The following NEIL3 variants were observed in gnomAD, a reference collection of about 807,000 sequenced individuals.
NEIL3 encodes endonuclease 8-like 3.
A neutral mutation model predicts 57.5 loss-of-function variants in NEIL3; 48 were observed. The ratio of observed to expected loss-of-function variants is 0.83; its 90% CI spans 0.66 to 1.06. The LOEUF is 1.06. Among genes scored for constraint, NEIL3 ranks in the 50% least tolerant of loss-of-function variants. NEIL3 has a pLI of 0.00. For missense variants in NEIL3, 717 were observed against 739.1 expected (o/e 0.97, Z 0.35); for synonymous variants, 261 against 253.2 (o/e 1.03, Z -0.29).
chr4:177,360,598 T>A lies in NEIL3; in HGVS notation c.1556T>A (p.Val519Glu), dbSNP rs1422425367. 3.1e-6 allele frequency: 5 copies of A among 1,614,008 alleles called. No homozygotes were observed. Among genetic ancestry groups the A allele is most frequent in the Non-Finnish European group, 3.4e-6 (4 of 1,179,888 alleles). ...AACCGCCTCTGCATTCTCCGAGTTG[T>A]GGGGAAGGATGGGGAAAACAAGGGC... ...KHNRLCILRV[V>E]GKDGENKGRQ... Residue 519 changes from valine to glutamate, a missense_variant, in exon 9 of 10, where the codon GTG (valine) becomes GAG (glutamate). Physicochemically the swap from Val to Glu is moderately radical, Grantham distance 121 (BLOSUM62 -2). Coordinates refer to ENST00000264596, the MANE Select transcript of NEIL3 (RefSeq NM_018248.3).
intron 5 of NEIL3, 81 bp downstream of exon 5, chr4:177,339,938 T>C (rs1735058925): frequency 1.2e-6 from 1 of 854,498 alleles, no homozygotes; most frequent in Non-Finnish European, 2.0e-6. Flanking sequence ...ATGTGAAAGC[T>C]GTATATAGCC....
rs577817946 is a variant in NEIL3, at chr4:177,320,709, C to T, written c.157-1750C>T. On this transcript the variant is annotated intron_variant, in intron 1 of 9. Transcript: ENST00000264596. Reference sequence around the variant, plus strand: ...GTCTCGATCTCCTGACCTCGTGATCCGCCCGCCTCGACCTCCCAAAGTGCT... The same window carrying T: ...GTCTCGATCTCCTGACCTCGTGATCTGCCCGCCTCGACCTCCCAAAGTGCT... 5.3e-5 allele frequency among the ~76,000 whole-genome samples: 8 copies of T among 151,558 alleles called. No homozygotes were observed. The East Asian group carries it at 1.4e-3, about 26-fold the overall frequency.
At position 177,336,298 on chromosome 4, in the gene NEIL3, A is replaced by G. The variant is rs534859801; in HGVS notation, c.604A>G (p.Ser202Gly). The change falls in exon 4 of 10, where the codon AGT becomes GGT. Residue 202 changes from serine to glycine, a missense_variant. By Grantham distance (56) the Ser-to-Gly change is moderately conservative (BLOSUM62 0). Transcript: ENST00000264596. ...NIIKNEALFDSGLHPAVKVCQ... is the reference protein window; with the variant it reads ...NIIKNEALFDGGLHPAVKVCQ... ...CATCAAAAATGAAGCTCTCTTTGAC[A>G]GTGGTCTCCACCCAGCTGTTAAAGT... The G allele has an allele frequency of 3.6e-5, 58 of 1,613,944 alleles. No individual in the cohort carries two copies. In the Middle Eastern group the frequency reaches 6.6e-4, roughly 18 times the overall value.
chr4:177,336,411 C>T, intron 4 of NEIL3, 90 bp downstream of exon 4: 2 of 960,182 alleles, frequency 2.1e-6, no homozygotes, highest in African/African-American at 3.3e-5. Context: ...ATTTCAGTAA[C>T]ACAGTCTCAT....
intron 2 of NEIL3, among the ~76,000 whole-genome samples, chr4:177,333,081 A>T (rs1372992058): frequency 6.0e-5 from 9 of 150,236 alleles, no homozygotes; most frequent in Admixed American, 5.3e-4. Flanking sequence ...TTTTTTTTTA[A>T]TTCCCAGCAT....
At chr4:177,369,267 G>A in the NEIL3 span, among the ~76,000 whole-genome samples, 6 of 152,258 alleles carry the variant, frequency 3.9e-5, no homozygotes, top group South Asian at 2.1e-4. Flanking sequence ...ATTTGCATAC[G>A]TAGAAGGGCA....
At chr4:177,370,432 G>A in the NEIL3 span, among the ~76,000 whole-genome samples, 1 of 152,172 alleles carries the variant, frequency 6.6e-6, no homozygotes, top group African/African-American at 2.4e-5. Context: ...GATCCAAGTA[G>A]TTCCAGAGTC....
rs1734974695 is a variant in NEIL3, at chr4:177,336,163, T to C, written c.469T>C (p.Ser157Pro). The C allele has an allele frequency of 6.2e-7, 1 of 1,613,776 alleles. No homozygotes were observed. The highest frequency in any genetic ancestry group is 1.1e-5 in the South Asian group (1 of 91,072). The change falls in exon 4 of 10, where the codon TCA becomes CCA. Residue 157 changes from serine (S) to proline (P), a missense_variant. Coordinates refer to ENST00000264596, the MANE Select transcript of NEIL3 (RefSeq NM_018248.3). ...IRMMKELDVC[S>P]PEFSFLRAES... ...AATGATGAAAGAATTAGATGTATGT[T>C]CACCTGAATTTAGTTTCTTGAGAGC...
At chr4:177,354,557 A>AT (rs1735434648) in intron 8 of NEIL3, among the ~76,000 whole-genome samples, 1 of 151,750 alleles carries the variant, frequency 6.6e-6, no homozygotes, top group Non-Finnish European at 1.5e-5. Flanking sequence ...TTTTATTTTT[A>AT]TTTTTTTCTT....
At chr4:177,347,674 G>T (rs143623647) in intron 6 of NEIL3, among the ~76,000 whole-genome samples, 1 of 152,022 alleles carries the variant, frequency 6.6e-6, no homozygotes, top group Non-Finnish European at 1.5e-5. Flanking sequence ...AGAGAAGGTG[G>T]TGGGAAAAAA....
At chr4:177,329,117 T>C (rs1243282993) in intron 2 of NEIL3, among the ~76,000 whole-genome samples, 1 of 151,970 alleles carries the variant, frequency 6.6e-6, no homozygotes, top group African/African-American at 2.4e-5. Flanking sequence ...CAAAAAGTGG[T>C]AAAAGTAATA....
chr4:177,326,103 A>G (rs776073188), intron 2 of NEIL3, among the ~76,000 whole-genome samples: 2 of 152,106 alleles, frequency 1.3e-5, no homozygotes, highest in African/African-American at 4.8e-5. Context: ...TTTTGTGACC[A>G]GTCTAAGAAA....
At chr4:177,365,746 TA>T (rs1735684897), downstream of NEIL3, among the ~76,000 whole-genome samples, 1 of 152,240 alleles carries the variant, frequency 6.6e-6, no homozygotes, top group Non-Finnish European at 1.5e-5. Flanking sequence ...TGTAGGAATT[TA>T]ACTCTGGTTT....
intron 2 of NEIL3, among the ~76,000 whole-genome samples, chr4:177,335,000 C>T (rs536614212): frequency 2.5e-4 from 38 of 152,010 alleles, no homozygotes; most frequent in African/African-American, 8.0e-4. Context: ...TCAAGTTAAC[C>T]GTAAATATTT....
chr4:177,363,948 C>G (rs922053208), downstream of NEIL3, among the ~76,000 whole-genome samples: 4 of 152,082 alleles, frequency 2.6e-5, no homozygotes, highest in Non-Finnish European at 5.9e-5. Flanking sequence ...ACAGGGTTTG[C>G]CATACCGCCC....
At chr4:177,319,121 T>A (rs1734628022) in intron 1 of NEIL3, among the ~76,000 whole-genome samples, 1 of 152,246 alleles carries the variant, frequency 6.6e-6, no homozygotes, top group Admixed American at 6.5e-5. Flanking sequence ...CTTGGTGATG[T>A]GAGCAGACTT....
Position 177,351,370 on chromosome 4 carries a change from T to C in NEIL3, c.870-10T>C. 1 of 1,588,448 alleles carries C rather than the reference T, an allele frequency of 6.3e-7. No homozygotes were observed. The highest frequency in any genetic ancestry group is 8.6e-7 in the Non-Finnish European group (1 of 1,165,172). ...AATAACAATGATTAATTTTAAAAAT[T>C]ATCTTATAGCAAGCTACCGACTAGA... On this transcript the variant is annotated splice_polypyrimidine_tract_variant and intron_variant, in intron 6 of 9. Coordinates refer to ENST00000264596, the MANE Select transcript of NEIL3 (RefSeq NM_018248.3).
chr4:177,321,129 TATC>T (rs1216812982), intron 1 of NEIL3, among the ~76,000 whole-genome samples: 10 of 152,318 alleles, frequency 6.6e-5, no homozygotes, highest in African/African-American at 2.4e-4. Flanking sequence ...CACTGAACAA[TATC>T]ATTTCACTCT....
chr4:177,359,806 C>G (rs1017867626), intron 8 of NEIL3, among the ~76,000 whole-genome samples: 1 of 152,178 alleles, frequency 6.6e-6, no homozygotes. Context: ...AGCTACAGTA[C>G]AAGGCCAGCT....
Sources: gnomAD v4.1 joint callset for allele counts (sites outside exome capture counted in the v4.1 genomes callset) on GRCh38, gnomAD v4.1.1 for gene constraint, MANE v1.5 for transcripts, NCBI Gene and HGNC (gene_info 2026-07-23, HGNC 2026-07-21) for gene names.